Variants in SLBP observed in about 807,000 individuals in gnomAD.
The protein encoded by SLBP is stem-loop histone mRNA binding protein, also known as histone RNA hairpin-binding protein.
A neutral mutation model predicts 39.2 loss-of-function variants in SLBP; 29 were observed. The ratio of observed to expected loss-of-function variants is 0.74; its 90% CI spans 0.55 to 1.01. The LOEUF is 1.01. Ranked by LOEUF, SLBP falls within the 50% of genes least tolerant of loss-of-function variation. The pLI, the probability that SLBP is intolerant of heterozygous loss-of-function variation, is 0.00. For synonymous variants in SLBP, 129 were observed against 118.7 expected, an observed-to-expected ratio of 1.09 and a Z score of -0.57; for missense variants, 390 against 350.2, an observed-to-expected ratio of 1.11 and a Z score of -0.91.
At chr4:1,711,853 A>AC in intron 2 of SLBP, 21 bp downstream of exon 2, 1 of 1,255,200 alleles carries the variant, frequency 8.0e-7, no homozygotes. Flanking sequence ...CCGCGCCCCG[A>AC]CCCCCGGGTC....
At chr4:1,705,478 A>G (rs539212509) in intron 2 of SLBP, among the ~76,000 whole-genome samples, 6 of 152,258 alleles carry the variant, frequency 3.9e-5, no homozygotes, top group African/African-American at 1.4e-4. Flanking sequence ...AATCACTAAG[A>G]CTTTAGACTA....
Position 1,712,287 on chromosome 4 carries a change from A to C in SLBP, c.-99T>G, listed in dbSNP as rs965012123. 2 of 727,018 alleles carry C rather than the reference A, an allele frequency of 2.8e-6. No homozygotes were observed. Among genetic ancestry groups the C allele is most frequent in the East Asian group, 4.2e-5 (1 of 23,966 alleles). The allele number at this position is 727,018 out of a possible 1,614,324, so 45.0% of individuals were successfully genotyped here. A position where few individuals can be genotyped will look rare whatever the true frequency, so the allele number is the denominator to read the frequency against. Reference sequence around the variant, plus strand: ...GAGCAGGGCAGGGCCTGAGGCAGAAACCCGCGTCCCCGCGCCGGCGCTCAC... The same window carrying C: ...GAGCAGGGCAGGGCCTGAGGCAGAACCCCGCGTCCCCGCGCCGGCGCTCAC... On this transcript the variant is annotated 5_prime_UTR_variant, in exon 1 of 8. Transcript: ENST00000489418.
At chr4:1,703,887 A>G (rs1716422573) in intron 2 of SLBP, among the ~76,000 whole-genome samples, 187 bp from the exon 3 acceptor site, 1 of 152,206 alleles carries the variant, frequency 6.6e-6, no homozygotes, top group South Asian at 2.1e-4. Flanking sequence ...CAAGATAGTG[A>G]GACCTCATCT....
In SLBP at chr4:1,712,147, G is replaced by T; in HGVS notation, c.42C>A (p.Arg14=). The part of the protein sequence containing the change: ...RPRSPPRHQS[R]CDGDASPPSP... ...GGCCTCACCTGGCGTCACCGTCGCA[G>T]CGGCTCTGATGCCTCGGCGGGCTTC... is the stretch of plus-strand genomic sequence containing the variant. Residue 14 remains arginine, a synonymous_variant, in exon 1 of 8, where the codon CGC becomes CGA. Transcript: ENST00000489418. 2.8e-5 allele frequency: 35 copies of T among 1,232,566 alleles called. No homozygotes were observed. The highest frequency in any genetic ancestry group is 3.4e-5 in the Non-Finnish European group (34 of 989,506). The allele number at this position is 1,232,566 out of a possible 1,614,324, so 76.4% of individuals were successfully genotyped here.
intron 3 of SLBP, among the ~76,000 whole-genome samples, chr4:1,702,225 G>A (rs961135691): frequency 6.6e-6 from 1 of 152,136 alleles, no homozygotes; most frequent in African/African-American, 2.4e-5. Context: ...TTATAATTGA[G>A]GAAGTCAAGA....
intron 3 of SLBP, among the ~76,000 whole-genome samples, chr4:1,702,600 G>A (rs1412452832): frequency 6.6e-6 from 1 of 152,184 alleles, no homozygotes; most frequent in Non-Finnish European, 1.5e-5. Context: ...AATAAACCCA[G>A]TCCTTGCAAC....
Position 1,693,385 on chromosome 4 carries a change from A to C in SLBP, c.*212T>G. 2.1e-6 allele frequency: 1 copy of C among 486,612 alleles called. No homozygotes were observed. Among genetic ancestry groups the C allele is most frequent in the Non-Finnish European group, 3.7e-6 (1 of 269,490 alleles). The allele number at this position is 486,612 out of a possible 1,614,324, so 30.1% of individuals were successfully genotyped here. Reference sequence around the variant, plus strand: ...GAGCTTCAAGTACTTTCTTGGACTTAGCTCCATTTACAATTTAAAACATGC... The same window carrying C: ...GAGCTTCAAGTACTTTCTTGGACTTCGCTCCATTTACAATTTAAAACATGC... On this transcript the variant is annotated 3_prime_UTR_variant, in exon 8 of 8. Transcript: ENST00000489418.
At chr4:1,703,909 C>A (rs993680555) in intron 2 of SLBP, among the ~76,000 whole-genome samples, 5 of 151,928 alleles carry the variant, frequency 3.3e-5, no homozygotes, top group Non-Finnish European at 7.4e-5. Context: ...TGTCCCCCAC[C>A]CAAAAAAATA....
Position 1,712,253 on chromosome 4 carries a change from C to CGCAGAGTAGA in SLBP, c.-75_-66dup. 1 of 1,055,120 alleles carries CGCAGAGTAGA rather than the reference C, an allele frequency of 9.5e-7. No individual in the cohort carries two copies. Among genetic ancestry groups the CGCAGAGTAGA allele is most frequent in the Non-Finnish European group, 1.2e-6 (1 of 805,370 alleles). The allele number at this position is 1,055,120 out of a possible 1,614,324, so 65.4% of individuals were successfully genotyped here. A position where few individuals can be genotyped will look rare whatever the true frequency, so the allele number is the denominator to read the frequency against. On this transcript the variant is annotated 5_prime_UTR_variant, in exon 1 of 8. Coordinates refer to ENST00000489418, the MANE Select transcript of SLBP (RefSeq NM_006527.4). ...AGGCGGCGGCGGCGCGGGCAGAGAG[C>CGCAGAGTAGA]GCAGAGTAGAGCAGGGCAGGGCCTG...
intron 5 of SLBP, among the ~76,000 whole-genome samples, chr4:1,699,029 T>A (rs1716228587): frequency 6.6e-6 from 1 of 152,090 alleles, no homozygotes; most frequent in Admixed American, 6.6e-5. Context: ...AGCAGTCCTC[T>A]CGGCCTCCCA....
At chr4:1,710,686 A>G (rs798741) in intron 2 of SLBP, among the ~76,000 whole-genome samples, 106,273 of 151,962 alleles carry the variant, frequency 0.7, 38,678 homozygotes, top group East Asian at 0.86. Context: ...CGCCACTTAA[A>G]GTGAACAGAG....
intron 5 of SLBP, 130 bp downstream of exon 5, chr4:1,699,434 A>G: frequency 2.8e-6 from 2 of 724,490 alleles, no homozygotes; most frequent in Non-Finnish European, 4.5e-6. Context: ...AGCCCCAGTA[A>G]GTCCCTATTA....
intron 5 of SLBP, among the ~76,000 whole-genome samples, chr4:1,698,319 G>A (rs888568704): frequency 3.3e-5 from 5 of 150,738 alleles, no homozygotes; most frequent in African/African-American, 1.2e-4. Context: ...GGGCAACAGA[G>A]CAAGATTCCG....
At chr4:1,708,086 A>T (rs1205732985) in intron 2 of SLBP, among the ~76,000 whole-genome samples, 1 of 66,444 alleles carries the variant, frequency 1.5e-5, no homozygotes, top group Non-Finnish European at 3.2e-5. Context: ...CTCAAAAACG[A>T]AAAAAAAAAA....
intron 2 of SLBP, among the ~76,000 whole-genome samples, chr4:1,709,814 T>A (rs1463589591): frequency 6.6e-6 from 1 of 152,202 alleles, no homozygotes; most frequent in Admixed American, 6.5e-5. Context: ...GTTTTCACCG[T>A]GTTAGCCAGG....
At chr4:1,708,969 G>C (rs371085117) in intron 2 of SLBP, among the ~76,000 whole-genome samples, 1 of 152,118 alleles carries the variant, frequency 6.6e-6, no homozygotes, top group East Asian at 1.9e-4. Context: ...GAGACCACTG[G>C]AGAGTTCAGA....
intron 3 of SLBP, among the ~76,000 whole-genome samples, chr4:1,701,493 G>C (rs1716329660): frequency 6.6e-6 from 1 of 152,146 alleles, no homozygotes; most frequent in African/African-American, 2.4e-5. Flanking sequence ...TAGTCTGTTA[G>C]TCTCCTTAAA....
chr4:1,706,222 G>A (rs540601941), intron 2 of SLBP, among the ~76,000 whole-genome samples: 1 of 152,082 alleles, frequency 6.6e-6, no homozygotes, highest in Non-Finnish European at 1.5e-5. Flanking sequence ...AGAGACGGAG[G>A]TTGCAGTGAG....
intron 2 of SLBP, among the ~76,000 whole-genome samples, chr4:1,711,051 TAAAA>T (rs34503092): frequency 6.6e-5 from 8 of 121,486 alleles, no homozygotes; most frequent in East Asian, 2.4e-4. Flanking sequence ...ACCCTGTCTT[TAAAA>T]AAAAAAAAAA....
Sources: allele counts gnomAD v4.1 joint callset (sites outside exome capture counted in the v4.1 genomes callset), GRCh38; gene constraint gnomAD v4.1.1; transcripts MANE v1.5; gene names NCBI Gene and HGNC (gene_info 2026-07-23, HGNC 2026-07-21).